ABCG1: variants seen among roughly 807,000 people sequenced by gnomAD.
ABCG1 encodes the protein ATP binding cassette subfamily G member 1.
ABCG1 carries 29 observed loss-of-function variants against 69.2 expected under a neutral mutation model. The observed-to-expected ratio is 0.42, with a 90% CI of 0.31 to 0.57. ABCG1 has a LOEUF of 0.57. Ranked by LOEUF, ABCG1 falls within the 20% of genes least tolerant of loss-of-function variation. The pLI, the probability that ABCG1 is intolerant of heterozygous loss-of-function variation, is 0.15. For missense variants in ABCG1, 718 were observed against 898.1 expected, an observed-to-expected ratio of 0.80 and a Z score of 2.56; for synonymous variants, 370 against 374.8, an observed-to-expected ratio of 0.99 and a Z score of 0.15.
At chr21:42,259,497 C>A (rs1193777885) in intron 2 of ABCG1, 3 of 1,547,458 alleles carry the variant, frequency 1.9e-6, no homozygotes, top group Non-Finnish European at 1.7e-6. Flanking sequence ...ATCCAACCGT[C>A]CACTCAAGGT....
chr21:42,234,328 G>A (rs983520889), intron 2 of ABCG1, among the ~76,000 whole-genome samples: 1 of 152,184 alleles, frequency 6.6e-6, no homozygotes, highest in African/African-American at 2.4e-5. Context: ...AATAAAATAA[G>A]CTGGGTTGAG....
At chr21:42,292,131 G>T (rs935478046) in intron 13 of ABCG1, among the ~76,000 whole-genome samples, 2 of 151,518 alleles carry the variant, frequency 1.3e-5, no homozygotes, top group African/African-American at 2.4e-5. Context: ...CCGACCTGCC[G>T]CCCACATGCA....
intron 5 of ABCG1, among the ~76,000 whole-genome samples, chr21:42,281,648 C>T (rs2068810329): frequency 6.6e-6 from 1 of 152,162 alleles, no homozygotes; most frequent in African/African-American, 2.4e-5. Context: ...TCAAGTCAAA[C>T]CTATTTACAA....
chr21:42,218,918 C>T (rs72542413), upstream of ABCG1, among the ~76,000 whole-genome samples: 142 of 152,278 alleles, frequency 9.3e-4, 3 homozygotes, highest in South Asian at 7.9e-3. Flanking sequence ...GTTCGGGACC[C>T]GGGGTTTCCG....
upstream of ABCG1, among the ~76,000 whole-genome samples, chr21:42,217,679 C>CTTTTTTT (rs71190409): frequency 4.2e-4 from 26 of 61,638 alleles, 5 homozygotes; most frequent in African/African-American, 1.8e-3. Context: ...TGGATCTACT[C>CTTTTTTT]TTTTTTTTTT....
At chr21:42,224,974 G>T (rs1440518291) in intron 1 of ABCG1, among the ~76,000 whole-genome samples, 1 of 151,468 alleles carries the variant, frequency 6.6e-6, no homozygotes, top group African/African-American at 2.4e-5. Flanking sequence ...TCAAATTCTG[G>T]GATAACTTCT....
chr21:42,204,832 AAAATATTATATTTGTCTGATTTTG>A (rs1430736944), intron 2 of ABCG1, among the ~76,000 whole-genome samples: 2 of 152,168 alleles, frequency 1.3e-5, no homozygotes, highest in Non-Finnish European at 1.5e-5. Flanking sequence ...GTATTTTTTA[AAAATATTATATTTGTCTGATTTTG>A]ATACCTGGGT....
chr21:42,284,426 T>C, intron 6 of ABCG1, 134 bp from the exon 7 acceptor site: 2 of 1,110,572 alleles, frequency 1.8e-6, no homozygotes, highest in Non-Finnish European at 2.5e-6. Context: ...GAGCCCGGCC[T>C]GGGACGGGGC....
chr21:42,205,081 A>G lies in ABCG1; in HGVS notation c.48+3358A>G, dbSNP rs537537619. Among the ~76,000 whole-genome samples the G allele has an allele frequency of 2.2e-4, 34 of 152,050 alleles. 1 individual carries two copies. The South Asian group carries it at 7.1e-3, about 32-fold the overall frequency. On this transcript the variant is annotated intron_variant, in intron 2 of 15. Coordinates refer to the ABCG1 transcript ENST00000398457. Reference sequence around the variant, plus strand: ...TTCTTAATAGTTATGAGACTATTCAAATAGTCTGTTTATATTCAGTGAGTT... The same window carrying G: ...TTCTTAATAGTTATGAGACTATTCAGATAGTCTGTTTATATTCAGTGAGTT...
intron 5 of ABCG1, among the ~76,000 whole-genome samples, chr21:42,278,182 T>C (rs1455142202): frequency 6.6e-6 from 1 of 152,252 alleles, no homozygotes; most frequent in African/African-American, 2.4e-5. Context: ...CATGTGTTCC[T>C]GGCCCTTCAT....
At chr21:42,234,841 C>A (rs928423384) in intron 2 of ABCG1, among the ~76,000 whole-genome samples, 2 of 151,264 alleles carry the variant, frequency 1.3e-5, no homozygotes, top group Non-Finnish European at 3.0e-5. Context: ...GTGCGCGCTG[C>A]CGCGCGTGTG....
intron 2 of ABCG1, among the ~76,000 whole-genome samples, chr21:42,232,727 A>G (rs925677458): frequency 5.9e-5 from 9 of 152,188 alleles, no homozygotes; most frequent in African/African-American, 2.2e-4. Context: ...TCACGTTCTC[A>G]AATGGAGGCC....
chr21:42,248,022 G>T (rs2068158926), intron 2 of ABCG1, among the ~76,000 whole-genome samples: 1 of 152,096 alleles, frequency 6.6e-6, no homozygotes, highest in Non-Finnish European at 1.5e-5. Context: ...CATTTTCTTG[G>T]GGCAGCCTGA....
intron 2 of ABCG1, chr21:42,259,993 G>A: frequency 6.5e-7 from 1 of 1,534,964 alleles, no homozygotes; most frequent in East Asian, 2.5e-5. Context: ...CTTCAGGCCA[G>A]TGCGGCATCC....
chr21:42,243,436 G>A (rs1476710846), intron 2 of ABCG1, among the ~76,000 whole-genome samples: 2 of 70,616 alleles, frequency 2.8e-5, no homozygotes, highest in African/African-American at 1.7e-4. Context: ...TTTTAATACC[G>A]TGTGTGTGCG....
At chr21:42,215,919 T>G (rs1210522068), upstream of ABCG1, among the ~76,000 whole-genome samples, 1 of 152,194 alleles carries the variant, frequency 6.6e-6, no homozygotes. Context: ...GGTAGTGATA[T>G]AGTTTGGCTG....
chr21:42,221,522 G>A (rs548290563), intron 1 of ABCG1, among the ~76,000 whole-genome samples: 1 of 152,298 alleles, frequency 6.6e-6, no homozygotes, highest in South Asian at 2.1e-4. Flanking sequence ...TGGCAAATGC[G>A]TCCAGTGGGA....
upstream of ABCG1, chr21:42,215,995 T>G (rs1369213517): frequency 8.0e-6 from 2 of 251,068 alleles, no homozygotes; most frequent in East Asian, 2.9e-4. Flanking sequence ...AGGAAGGACC[T>G]GGTCAGAGAT....
At chr21:42,207,557 C>A (rs73225417) in intron 2 of ABCG1, among the ~76,000 whole-genome samples, 48,763 of 152,126 alleles carry the variant, frequency 0.32, 8,155 homozygotes, top group East Asian at 0.46. Context: ...CACTGCTGTC[C>A]TCTTTGCATT....
Sources: allele counts gnomAD v4.1 joint callset (sites outside exome capture counted in the v4.1 genomes callset), GRCh38; gene constraint gnomAD v4.1.1; transcripts MANE v1.5; gene names NCBI Gene and HGNC (gene_info 2026-07-23, HGNC 2026-07-21).